OPHN1: variants seen among roughly 807,000 people sequenced by gnomAD.
The protein encoded by OPHN1 is oligophrenin 1.
Under a neutral mutation model 60.7 loss-of-function variants are expected in OPHN1, and 11 were observed. The observed-to-expected ratio is 0.18, with a 90% CI of 0.11 to 0.30. The LOEUF is 0.30. Among genes scored for constraint, OPHN1 ranks in the 10% least tolerant of loss-of-function variants. The pLI is 1.00. For missense variants in OPHN1, 449 were observed against 611.0 expected, an observed-to-expected ratio of 0.73 and a Z score of 2.80; for synonymous variants, 226 against 222.6, an observed-to-expected ratio of 1.02 and a Z score of -0.14.
At chrX:68,324,499 C>T (rs745951074) in intron 2 of OPHN1, among the ~76,000 whole-genome samples, 1 of 106,171 alleles carries the variant, frequency 9.4e-6, no homozygotes, top group East Asian at 3.0e-4. Context: ...GTCCCAGCTA[C>T]TCCAGAGGCT....
chrX:68,258,097 C>A (rs780500167), intron 5 of OPHN1, among the ~76,000 whole-genome samples: 12 of 109,881 alleles, frequency 1.1e-4, no homozygotes, highest in Non-Finnish European at 2.1e-4. Flanking sequence ...CTCTTTGATG[C>A]AATTCCCTTC....
At chrX:68,317,371 GA>G (rs1569278107) in intron 2 of OPHN1, among the ~76,000 whole-genome samples, 75 of 72,703 alleles carry the variant, frequency 1.0e-3, no homozygotes, top group African/African-American at 4.6e-3. Context: ...AAGAAAGAAA[GA>G]AAGAAAGGAA....
At chrX:68,172,122 T>C (rs2077394376) in intron 15 of OPHN1, among the ~76,000 whole-genome samples, 1 of 111,849 alleles carries the variant, frequency 8.9e-6, no homozygotes, top group Non-Finnish European at 1.9e-5. Context: ...CCCAGGTACA[T>C]ACCCAAGAGA....
chrX:68,077,469 T>C (rs962815681), intron 19 of OPHN1, among the ~76,000 whole-genome samples: 10 of 112,334 alleles, frequency 8.9e-5, no homozygotes. Context: ...GTTCACTCAC[T>C]GAGGAATATT....
chrX:68,095,505 C>T (rs752745648), intron 19 of OPHN1, among the ~76,000 whole-genome samples: 1 of 112,202 alleles, frequency 8.9e-6, no homozygotes, highest in South Asian at 3.7e-4. Flanking sequence ...CAACTGCTCG[C>T]CAGGCATTGC....
At chrX:68,047,997 T>C (rs2182721) in intron 24 of OPHN1, among the ~76,000 whole-genome samples, 23,039 of 110,891 alleles carry the variant, frequency 0.21, 2,967 homozygotes, top group African/African-American at 0.47. Context: ...TCTGTTATAA[T>C]ATCAGAAAGC....
intron 6 of OPHN1, among the ~76,000 whole-genome samples, chrX:68,221,849 A>G (rs1205225567): frequency 7.1e-4 from 58 of 81,505 alleles, no homozygotes; most frequent in South Asian, 2.5e-3. Context: ...AGGTATTACC[A>G]TTCAGGACAT....
chrX:68,111,254 T>C (rs1195643077), intron 18 of OPHN1, among the ~76,000 whole-genome samples: 3 of 111,834 alleles, frequency 2.7e-5, no homozygotes, highest in Non-Finnish European at 5.6e-5. Context: ...CCAAGTAAAT[T>C]CATCTTGATT....
chrX:68,174,594 C>T (rs1428086047), intron 15 of OPHN1, among the ~76,000 whole-genome samples: 3 of 106,400 alleles, frequency 2.8e-5, no homozygotes, highest in African/African-American at 1.0e-4. Flanking sequence ...ACCTCAGCCT[C>T]CCAGGCAGTT....
intron 15 of OPHN1, among the ~76,000 whole-genome samples, chrX:68,167,136 A>T (rs1406237397): frequency 2.7e-5 from 3 of 112,087 alleles, no homozygotes; most frequent in African/African-American, 9.7e-5. Flanking sequence ...TATGCATTTG[A>T]CAAGGGATTA....
In OPHN1 at chrX:68,317,363, GAAAGAAAGA is replaced by G. The variant is rs1569278074; in HGVS notation, c.155-18276_155-18268del. On this transcript the variant is annotated intron_variant, in intron 2 of 24. Transcript: ENST00000355520. ...GGAAAGAAAGAAAGAAAGAAAGAAA[GAAAGAAAGA>G]AAGAAAGGAAGGAAGGAAGGAAGGA... is the stretch of plus-strand genomic sequence containing the variant. 4.0e-3 allele frequency among the ~76,000 whole-genome samples: 274 copies of G among 68,722 alleles called. 2 individuals are homozygous for G. Among genetic ancestry groups the G allele is most frequent in the African/African-American group, 0.016 (246 of 15,566 alleles). The allele number at this position is 68,722 out of a possible 115,157, so 59.7% of individuals were successfully genotyped here. A position where few individuals can be genotyped will look rare whatever the true frequency, so the allele number is the denominator to read the frequency against.
intron 9 of OPHN1, 130 bp downstream of exon 9, chrX:68,210,023 C>A (rs747878352): frequency 6.3e-5 from 40 of 638,326 alleles, no homozygotes; most frequent in Non-Finnish European, 9.5e-5. Flanking sequence ...GTATTCCCTG[C>A]CTGCGTTCCA....
intron 15 of OPHN1, among the ~76,000 whole-genome samples, chrX:68,124,743 T>C (rs1236577453): frequency 9.0e-6 from 1 of 110,569 alleles, no homozygotes; most frequent in African/African-American, 3.3e-5. Flanking sequence ...CCTCATAGGT[T>C]CAAGCAGCCC....
At chrX:68,219,896 C>T (rs1273233932) in intron 6 of OPHN1, among the ~76,000 whole-genome samples, 3 of 93,942 alleles carry the variant, frequency 3.2e-5, no homozygotes, top group Non-Finnish European at 6.4e-5. Context: ...CAAACACATT[C>T]AAAAGCTAGC....
At chrX:68,067,775 A>C (rs1226476940) in intron 20 of OPHN1, among the ~76,000 whole-genome samples, 1 of 111,459 alleles carries the variant, frequency 9.0e-6, no homozygotes, top group Admixed American at 9.5e-5. Flanking sequence ...GGAGTCACTG[A>C]CATACTATAT....
chrX:68,096,830 C>G (rs142203451), intron 19 of OPHN1, 40 bp downstream of exon 19: 7 of 1,187,664 alleles, frequency 5.9e-6, no homozygotes, highest in Non-Finnish European at 8.0e-6. Context: ...GAAAGTGTCA[C>G]ATGTTTGGAA....
intron 15 of OPHN1, among the ~76,000 whole-genome samples, chrX:68,155,559 C>T (rs2077305806): frequency 8.9e-6 from 1 of 112,228 alleles, no homozygotes; most frequent in Admixed American, 9.4e-5. Flanking sequence ...AAACCTTTTT[C>T]TTTACAAATT....
chrX:68,094,992 A>C (rs2077033022), intron 19 of OPHN1, among the ~76,000 whole-genome samples: 1 of 109,579 alleles, frequency 9.1e-6, no homozygotes, highest in Non-Finnish European at 1.9e-5. Flanking sequence ...TCATTTCCTT[A>C]TTTTCTCCTT....
intron 2 of OPHN1, among the ~76,000 whole-genome samples, chrX:68,336,991 G>A (rs1279186495): frequency 9.1e-6 from 1 of 110,041 alleles, no homozygotes; most frequent in Non-Finnish European, 1.9e-5. Flanking sequence ...AACCCGGGAG[G>A]GAGAGGTTGT....
Sources: gnomAD v4.1 joint callset for allele counts (sites outside exome capture counted in the v4.1 genomes callset) on GRCh38, gnomAD v4.1.1 for gene constraint, MANE v1.5 for transcripts, NCBI Gene and HGNC (gene_info 2026-07-23, HGNC 2026-07-21) for gene names.